Variants in CLRN3 observed in about 807,000 individuals in gnomAD.
The protein encoded by CLRN3 is clarin 3, also known as clarin-3.
In CLRN3, 12 loss-of-function variants were observed where a neutral mutation model predicts 16.7. The ratio of observed to expected loss-of-function variants is 0.72; its 90% confidence interval spans 0.46 to 1.16. The LOEUF (loss-of-function observed/expected upper bound fraction) is 1.16. Among genes scored for constraint, CLRN3 ranks in the 50% most tolerant of loss-of-function variants. CLRN3 has a pLI of 0.00. For missense variants in CLRN3, 296 were observed against 274.2 expected, an observed-to-expected ratio of 1.08 and a Z score of -0.56; for synonymous variants, 118 against 113.0, an observed-to-expected ratio of 1.04 and a Z score of -0.28.
chr10:127,889,815 T>G (rs1347486047), intron 1 of CLRN3, among the ~76,000 whole-genome samples: 2 of 152,244 alleles, frequency 1.3e-5, no homozygotes, highest in Non-Finnish European at 2.9e-5. Context: ...CAGAGCACAT[T>G]GTGCTTCCGG....
At chr10:127,887,138 AG>A (rs201942407) in intron 1 of CLRN3, among the ~76,000 whole-genome samples, 2,891 of 152,278 alleles carry the variant, frequency 0.019, 47 homozygotes, top group Middle Eastern at 0.041. Flanking sequence ...AAAGTAATAG[AG>A]GGGGACACCG....
At chr10:127,878,444 G>T (rs1845087439) in intron 2 of CLRN3, 24 bp from the exon 3 acceptor site, 1 of 1,611,896 alleles carries the variant, frequency 6.2e-7, no homozygotes, top group African/African-American at 1.3e-5. Context: ...GGAGTTTCAT[G>T]CATGGCATGG....
In CLRN3 at chr10:127,883,719, A is replaced by AC; in HGVS notation, c.385dup (p.Val129GlyfsTer43). 1 of 1,613,536 alleles carries AC rather than the reference A, an allele frequency of 6.2e-7. No homozygotes were observed. The highest frequency in any genetic ancestry group is 1.1e-5 in the South Asian group (1 of 91,016). ...ACCACCGAGCCCGTTCCAGGTGTAC[A>AC]CCCCCGTCGGCCCCAGGAATGTCTG... On this transcript the variant is annotated frameshift_variant, in exon 2 of 3. Coordinates refer to ENST00000368671, the MANE Select transcript of CLRN3 (RefSeq NM_152311.5). LOFTEE classifies it low-confidence loss of function (END_TRUNC).
intron 1 of CLRN3, among the ~76,000 whole-genome samples, chr10:127,885,673 T>C (rs554848136): frequency 6.6e-6 from 1 of 152,086 alleles, no homozygotes; most frequent in African/African-American, 2.4e-5. Flanking sequence ...ATCTCCCGAG[T>C]TCAAGCAAAG....
At chr10:127,886,763 T>C (rs1845199737) in intron 1 of CLRN3, among the ~76,000 whole-genome samples, 1 of 152,232 alleles carries the variant, frequency 6.6e-6, no homozygotes, top group Non-Finnish European at 1.5e-5. Context: ...AACTGGGGAC[T>C]GTGAGCAAAG....
At chr10:127,887,207 C>T (rs1250868671) in intron 1 of CLRN3, among the ~76,000 whole-genome samples, 1 of 152,202 alleles carries the variant, frequency 6.6e-6, no homozygotes. Flanking sequence ...GGGGACAGAT[C>T]AGAGGCTGCA....
At chr10:127,892,308 G>T (rs1845266166) in intron 1 of CLRN3, among the ~76,000 whole-genome samples, 1 of 152,136 alleles carries the variant, frequency 6.6e-6, no homozygotes, top group Non-Finnish European at 1.5e-5. Flanking sequence ...AGTCAACTTG[G>T]TAGGTATTAT....
rs80283196 is a variant in CLRN3, at chr10:127,888,771, A to G, written c.229+3785T>C. ...GCAAGGTTGTCCAGAGCTTTTGCCA[A>G]TAAATTAATTTAATTTCAAGCAGGC... On this transcript the variant is annotated intron_variant, in intron 1 of 2. Coordinates refer to ENST00000368671, the MANE Select transcript of CLRN3 (RefSeq NM_152311.5). 9.0e-3 allele frequency among the ~76,000 whole-genome samples: 1,368 copies of G among 152,240 alleles called. 11 individuals carry two copies. Among genetic ancestry groups the G allele is most frequent in the East Asian group, 0.043 (220 of 5,170 alleles).
rs142378650 is a variant in CLRN3 at position 127,883,369 on chromosome 10, T to C, written c.409+327A>G. ...TTCTACATGCCACACAGAGCCTAGT[T>C]TGGAGTTCAGCACATGGCAGGAGCC... On this transcript the variant is annotated intron_variant, in intron 2 of 2. Transcript: ENST00000368671. Among the ~76,000 whole-genome samples the C allele has an allele frequency of 4.8e-4, 73 of 152,324 alleles. 1 individual carries two copies. The East Asian group carries it at 0.013, about 27-fold the overall frequency.
In CLRN3 at chr10:127,877,922, C is replaced by T. The variant is rs1459093000; in HGVS notation, c.*227G>A. 1 of 540,962 alleles carries T rather than the reference C, an allele frequency of 1.8e-6. No individual in the cohort carries two copies. Among genetic ancestry groups the T allele is most frequent in the African/African-American group, 1.9e-5 (1 of 52,806 alleles). 33.5% of individuals were successfully genotyped at this position (540,962 alleles called of 1,614,324 possible). ...GGTCGTTACGCTCATCATGATACTACTGCTTTGAATACCACACAGACCAGC... is the reference window on the plus strand; with the variant it reads ...GGTCGTTACGCTCATCATGATACTATTGCTTTGAATACCACACAGACCAGC... On this transcript the variant is annotated 3_prime_UTR_variant, in exon 3 of 3. Coordinates refer to ENST00000368671, the MANE Select transcript of CLRN3 (RefSeq NM_152311.5).
At chr10:127,881,697 C>A (rs1449906704) in intron 2 of CLRN3, among the ~76,000 whole-genome samples, 3 of 152,212 alleles carry the variant, frequency 2.0e-5, no homozygotes, top group African/African-American at 7.2e-5. Context: ...AAGGGCAATG[C>A]CAGTGCAAAG....
In CLRN3 at chr10:127,886,723, G is replaced by A. The variant is rs148002078; in HGVS notation, c.230-2848C>T. On this transcript the variant is annotated intron_variant, in intron 1 of 2. Transcript: ENST00000368671. ...AGCCTCAGCTCAGTGGCATGAGGAC[G>A]ATGAATTCACCACCCTGCTCCTCAA... Among the ~76,000 whole-genome samples the A allele has an allele frequency of 5.9e-3, 894 of 152,362 alleles. 27 individuals are homozygous for A. Among genetic ancestry groups the A allele is most frequent in the Admixed American group, 0.053 (813 of 15,306 alleles).
intron 1 of CLRN3, among the ~76,000 whole-genome samples, chr10:127,885,148 T>C (rs1591260923): frequency 6.6e-6 from 1 of 152,154 alleles, no homozygotes; most frequent in East Asian, 1.9e-4. Context: ...AGGGGTGGTA[T>C]TCCCTCAGCA....
At chr10:127,882,013 C>T (rs1406507603) in intron 2 of CLRN3, among the ~76,000 whole-genome samples, 4 of 152,168 alleles carry the variant, frequency 2.6e-5, no homozygotes, top group Non-Finnish European at 5.9e-5. Flanking sequence ...GCCATAAGTA[C>T]CAATTGGTTT....
At chr10:127,882,059 T>C (rs1257837933) in intron 2 of CLRN3, among the ~76,000 whole-genome samples, 1 of 152,206 alleles carries the variant, frequency 6.6e-6, no homozygotes, top group African/African-American at 2.4e-5. Flanking sequence ...ACCATCATCA[T>C]ACAAGTAGCT....
intron 2 of CLRN3, among the ~76,000 whole-genome samples, chr10:127,879,350 C>T (rs913814185): frequency 6.6e-6 from 1 of 152,174 alleles, no homozygotes; most frequent in Non-Finnish European, 1.5e-5. Flanking sequence ...ATCCACCTGC[C>T]TCGGCCTCCA....
At chr10:127,886,046 C>T (rs1043111828) in intron 1 of CLRN3, among the ~76,000 whole-genome samples, 32 of 152,184 alleles carry the variant, frequency 2.1e-4, no homozygotes, top group Admixed American at 1.6e-3. Context: ...TAAGCCACCA[C>T]GCCCGGCCTT....
At chr10:127,883,006 G>A (rs936584264) in intron 2 of CLRN3, among the ~76,000 whole-genome samples, 1 of 152,196 alleles carries the variant, frequency 6.6e-6, no homozygotes, top group African/African-American at 2.4e-5. Context: ...AGAAGACTGT[G>A]AGTCAAAGCT....
chr10:127,889,589 A>G (rs963791978), intron 1 of CLRN3, among the ~76,000 whole-genome samples: 3 of 152,172 alleles, frequency 2.0e-5, no homozygotes, highest in Non-Finnish European at 4.4e-5. Flanking sequence ...GCGCCACTGC[A>G]CTCCAGTCTG....
Sources: gnomAD v4.1 joint callset for allele counts (sites outside exome capture counted in the v4.1 genomes callset) on GRCh38, gnomAD v4.1.1 for gene constraint, MANE v1.5 for transcripts, NCBI Gene and HGNC (gene_info 2026-07-23, HGNC 2026-07-21) for gene names.